Variants in PPP2R2D observed in about 807,000 individuals in gnomAD.
PPP2R2D encodes the protein protein phosphatase 2 regulatory subunit Bdelta.
Under a neutral mutation model 31.1 loss-of-function variants are expected in PPP2R2D, and 9 were observed. That is an observed-to-expected ratio of 0.29 (90% CI 0.17 to 0.51). The LOEUF (loss-of-function observed/expected upper bound fraction) is 0.51, where lower values mean the gene tolerates loss of function less well. PPP2R2D is among the 20% of genes least tolerant of loss of function. PPP2R2D has a pLI of 0.98. For missense variants in PPP2R2D, 391 were observed against 465.6 expected (o/e 0.84, Z 1.48); for synonymous variants, 179 against 172.6 (o/e 1.04, Z -0.29).
chr10:131,943,847 T>G, intron 5 of PPP2R2D, 121 bp from the exon 6 acceptor site: 1 of 635,450 alleles, frequency 1.6e-6, no homozygotes, highest in Non-Finnish European at 2.8e-6. Flanking sequence ...GGGTATTGCC[T>G]GTACAGAATT....
chr10:131,955,845 G>A lies in PPP2R2D; in HGVS notation c.1244G>A (p.Ser415Asn), dbSNP rs565049203. 6.2e-6 allele frequency: 10 copies of A among 1,610,718 alleles called. No individual in the cohort carries two copies. In the African/African-American group the frequency reaches 1.1e-4, roughly 17 times the overall value. ...TGGKRRKDEI[S>N]VDSLDFNKKI... ...GGTAAGCGGAGGAAAGACGAGATCA[G>A]TGTGGACAGTCTGGACTTCAACAAG... Residue 415 changes from serine (S) to asparagine (N), a missense_variant, in exon 9 of 9, where the codon AGT becomes AAT. Ser to Asn is a conservative substitution (Grantham distance 46). Transcript: ENST00000455566.
At chr10:131,920,585 A>G (rs1298827899) in intron 2 of PPP2R2D, among the ~76,000 whole-genome samples, 1 of 152,218 alleles carries the variant, frequency 6.6e-6, no homozygotes, top group African/African-American at 2.4e-5. Flanking sequence ...GCAGAATTAG[A>G]TGTGGATTTT....
intron 2 of PPP2R2D, among the ~76,000 whole-genome samples, chr10:131,934,223 G>A (rs558837339): frequency 2.0e-5 from 3 of 151,986 alleles, no homozygotes; most frequent in South Asian, 4.2e-4. Flanking sequence ...TGCTCCAGGG[G>A]CCCAGGCATG....
the PPP2R2D span, chr10:131,970,469 C>T: frequency 1.0e-6 from 1 of 1,001,178 alleles, no homozygotes; most frequent in Non-Finnish European, 1.4e-6. The surrounding 1 kb of genome is among the most constrained non-coding windows in gnomAD (Gnocchi z 4.1). Flanking sequence ...TTGGGGGCTG[C>T]AGGCTGGTGG....
At chr10:131,965,948 GTC>G in the PPP2R2D span, among the ~76,000 whole-genome samples, 1 of 152,220 alleles carries the variant, frequency 6.6e-6, no homozygotes, top group Admixed American at 6.5e-5. Flanking sequence ...GTTCTCTCGA[GTC>G]TCTATGCGTG....
At chr10:131,913,184 AT>A (rs36188479) in intron 2 of PPP2R2D, among the ~76,000 whole-genome samples, 24,726 of 134,688 alleles carry the variant, frequency 0.18, 2,172 homozygotes, top group South Asian at 0.23. Context: ...TGCCCGGCTA[AT>A]TTTTTTTTTT....
chr10:131,927,513 A>T (rs1027706052), intron 2 of PPP2R2D, among the ~76,000 whole-genome samples: 5 of 152,140 alleles, frequency 3.3e-5, no homozygotes, highest in African/African-American at 1.2e-4. Context: ...CAGCGGGATG[A>T]TGTTTGCTGC....
intron 8 of PPP2R2D, among the ~76,000 whole-genome samples, chr10:131,953,103 C>CTTGCAGGT (rs2036711643): frequency 2.1e-5 from 2 of 95,764 alleles, no homozygotes; most frequent in Non-Finnish European, 4.0e-5. Flanking sequence ...TTAGCAGTGA[C>CTTGCAGGT]TTGCGGGGGT....
chr10:131,960,734 C>T (rs1437158341), downstream of PPP2R2D, among the ~76,000 whole-genome samples: 4 of 152,178 alleles, frequency 2.6e-5, no homozygotes, highest in Admixed American at 6.5e-5. Context: ...GGAGGCTCTC[C>T]GGGTGGCCTT....
At position 131,958,126 on chromosome 10, in the gene PPP2R2D, C is replaced by A. The variant is rs1554900556; in HGVS notation, c.*2163C>A. 6.7e-6 allele frequency: 1 copy of A among 149,928 alleles called. No homozygotes were observed. Among genetic ancestry groups the A allele is most frequent in the African/African-American group, 3.1e-5 (1 of 32,516 alleles). 9.3% of individuals were successfully genotyped at this position (149,928 alleles called of 1,614,324 possible). ...TGTGGAGATGAAGGTGTGTGCTGAT[C>A]CCCGTCCCCCTGTGGAGATGAAGGG... On this transcript the variant is annotated 3_prime_UTR_variant, in exon 9 of 9. Transcript: ENST00000455566.
At position 131,945,050 on chromosome 10, in the gene PPP2R2D, T is replaced by C. The variant is rs781808816; in HGVS notation, c.656-245T>C. On this transcript the variant is annotated intron_variant, in intron 6 of 8. Coordinates refer to ENST00000455566, the MANE Select transcript of PPP2R2D (RefSeq NM_018461.5). The surrounding 1 kb of genome is among the most constrained non-coding windows in gnomAD (Gnocchi z 4.8). ...TATAACATTAATAATAGCAGCAAGATGAAAGCGGTGTTCGCTTGTCTGTGT... is the reference window on the plus strand; with the variant it reads ...TATAACATTAATAATAGCAGCAAGACGAAAGCGGTGTTCGCTTGTCTGTGT... Among the ~76,000 whole-genome samples the C allele has an allele frequency of 6.6e-6, 1 of 152,180 alleles. No homozygotes were observed. Among genetic ancestry groups the C allele is most frequent in the Non-Finnish European group, 1.5e-5 (1 of 68,024 alleles).
chr10:131,943,271 G>T (rs2036473708), intron 5 of PPP2R2D, among the ~76,000 whole-genome samples: 1 of 152,132 alleles, frequency 6.6e-6, no homozygotes, highest in Non-Finnish European at 1.5e-5. Flanking sequence ...AAGCCTCCCT[G>T]ACCACAGCAC....
Position 131,959,153 on chromosome 10 carries a change from G to A in PPP2R2D, c.*3190G>A, listed in dbSNP as rs1196536986. The A allele has an allele frequency of 4.7e-5, 7 of 149,656 alleles. No homozygotes were observed. The East Asian group carries it at 1.7e-3, about 36-fold the overall frequency. 9.3% of individuals were successfully genotyped at this position (149,656 alleles called of 1,614,324 possible). ...CCCATCCCCCTGTGGAGATGAAGGT[G>A]TGTGCTGATCCCCGGTCCCCCTGTG... On this transcript the variant is annotated 3_prime_UTR_variant, in exon 9 of 9. Coordinates refer to ENST00000455566, the MANE Select transcript of PPP2R2D (RefSeq NM_018461.5).
At chr10:131,924,636 T>G (rs2036064879) in intron 2 of PPP2R2D, among the ~76,000 whole-genome samples, 1 of 152,080 alleles carries the variant, frequency 6.6e-6, no homozygotes, top group African/African-American at 2.4e-5. Flanking sequence ...AAGATCATTT[T>G]GGCTATTCTG....
chr10:131,924,029 AT>A (rs1432122337), intron 2 of PPP2R2D, among the ~76,000 whole-genome samples: 1 of 152,006 alleles, frequency 6.6e-6, no homozygotes, highest in African/African-American at 2.4e-5. Context: ...CTTTCTTTTT[AT>A]TGTTGTAAGA....
At chr10:131,946,357 G>T (rs1034202511) in intron 7 of PPP2R2D, among the ~76,000 whole-genome samples, 1 of 152,130 alleles carries the variant, frequency 6.6e-6, no homozygotes, top group Non-Finnish European at 1.5e-5. Context: ...GTGCCAGCAG[G>T]TAGACACACG....
chr10:131,903,746 C>T (rs951689866), intron 2 of PPP2R2D, among the ~76,000 whole-genome samples: 17 of 152,282 alleles, frequency 1.1e-4, no homozygotes, highest in African/African-American at 2.4e-4. Flanking sequence ...AAGTCACCAT[C>T]GATTTGTCCC....
chr10:131,933,789 A>G (rs2036286695), intron 2 of PPP2R2D, among the ~76,000 whole-genome samples: 1 of 151,376 alleles, frequency 6.6e-6, no homozygotes. Context: ...GGACTTTCTC[A>G]CTGCTTAGTG....
chr10:131,910,198 G>A (rs1032981103), intron 2 of PPP2R2D, among the ~76,000 whole-genome samples: 1 of 152,220 alleles, frequency 6.6e-6, no homozygotes, highest in Non-Finnish European at 1.5e-5. Context: ...TCAGAACCCT[G>A]AGGTCTGTCT....
Sources: allele counts gnomAD v4.1 joint callset (sites outside exome capture counted in the v4.1 genomes callset), GRCh38; gene constraint gnomAD v4.1.1; non-coding constraint Gnocchi (gnomAD v3.1); transcripts MANE v1.5; gene names NCBI Gene and HGNC (gene_info 2026-07-23, HGNC 2026-07-21).